PARP4: variants seen among roughly 807,000 people sequenced by gnomAD.
PARP4 encodes poly(ADP-ribose) polymerase family member 4, also known as protein mono-ADP-ribosyltransferase PARP4.
In PARP4, 120 loss-of-function variants were observed where a neutral mutation model predicts 187.7. That is an observed-to-expected ratio of 0.64 (90% CI 0.55 to 0.74). The LOEUF (loss-of-function observed/expected upper bound fraction) is 0.74. PARP4 is among the 30% of genes least tolerant of loss of function. The probability of loss-of-function intolerance (pLI) is 0.00; values close to 1 mark genes in which losing one functional copy is unlikely to be tolerated. For missense variants in PARP4, 1,836 were observed against 2,070.5 expected, an observed-to-expected ratio of 0.89 and a Z score of 2.20; for synonymous variants, 654 against 740.9, an observed-to-expected ratio of 0.88 and a Z score of 1.90.
intron 2 of PARP4, among the ~76,000 whole-genome samples, chr13:24,502,230 A>G (rs944034545): frequency 6.6e-6 from 1 of 151,920 alleles, no homozygotes; most frequent in African/African-American, 2.4e-5. Context: ...TTTTTTGTAG[A>G]GATAGGGTCT....
At chr13:24,478,327 A>T (rs1235474867) in intron 12 of PARP4, 51 bp from the exon 13 acceptor site, 1 of 1,198,730 alleles carries the variant, frequency 8.3e-7, no homozygotes, top group African/African-American at 1.5e-5. Flanking sequence ...GTGACTTGTC[A>T]ATAACATACT....
At chr13:24,460,501 C>T (rs750769) in intron 17 of PARP4, among the ~76,000 whole-genome samples, 43,524 of 122,860 alleles carry the variant, frequency 0.35, 7,253 homozygotes, top group South Asian at 0.45. Context: ...CATGGGTGGG[C>T]TCTGCTGCAT....
chr13:24,442,776 T>C (rs1871012496), intron 28 of PARP4, 91 bp from the exon 29 acceptor site: 1 of 690,726 alleles, frequency 1.4e-6, no homozygotes, highest in Non-Finnish European at 2.6e-6. Flanking sequence ...TCAGACTAAA[T>C]ATTGAATTGC....
chr13:24,453,784 CTT>C, intron 22 of PARP4, 130 bp from the exon 23 acceptor site: 1 of 610,014 alleles, frequency 1.6e-6, no homozygotes. Context: ...GTGTACCTTT[CTT>C]TTTAGAAAAC....
At chr13:24,425,605 C>CTATATATA (rs113002264) in intron 33 of PARP4, among the ~76,000 whole-genome samples, 4,184 of 146,806 alleles carry the variant, frequency 0.029, 128 homozygotes, top group Admixed American at 0.077. Context: ...ATATCTATAT[C>CTATATATA]TATATATCTC....
chr13:24,496,366 G>A (rs565558250), intron 6 of PARP4, among the ~76,000 whole-genome samples: 11 of 152,156 alleles, frequency 7.2e-5, no homozygotes, highest in Non-Finnish European at 1.6e-4. Context: ...TGATAAAGAT[G>A]GCATGTCAGC....
chr13:24,477,877 G>A lies in PARP4; in HGVS notation c.1633-20C>T, dbSNP rs762754158. 1.2e-5 allele frequency: 19 copies of A among 1,529,498 alleles called. No individual in the cohort carries two copies. The highest frequency in any genetic ancestry group is 5.0e-5 in the South Asian group (4 of 79,976). 94.7% of individuals were successfully genotyped at this position (1,529,498 alleles called of 1,614,324 possible). A position where few individuals can be genotyped will look rare whatever the true frequency, so the allele number is the denominator to read the frequency against. Reference sequence around the variant, plus strand: ...ATCATCCTAGAGCAAACAGAAATCAGTAGGTGATTAACAACAGAAGCAACA... The same window carrying A: ...ATCATCCTAGAGCAAACAGAAATCAATAGGTGATTAACAACAGAAGCAACA... On this transcript the variant is annotated intron_variant, in intron 13 of 33. Transcript: ENST00000381989.
chr13:24,457,777 A>C (rs1193286123), intron 20 of PARP4, among the ~76,000 whole-genome samples: 1 of 52,134 alleles, frequency 1.9e-5, no homozygotes, highest in Non-Finnish European at 5.2e-5. Context: ...TCTCAAAAAA[A>C]AAAAAAAAAA....
chr13:24,434,498 C>G lies in PARP4; in HGVS notation c.4643G>C (p.Ser1548Thr). 1 of 1,613,750 alleles carries G rather than the reference C, an allele frequency of 6.2e-7. No homozygotes were observed. Among genetic ancestry groups the G allele is most frequent in the Non-Finnish European group, 8.5e-7 (1 of 1,179,658 alleles). The change falls in exon 31 of 34, where the codon AGT (serine) becomes ACT (threonine). Residue 1548 changes from serine to threonine, a missense_variant. Ser to Thr is a moderately conservative substitution (Grantham distance 58). This residue lies in a region of PARP4 where 450 missense variants were observed against 439.2 expected (regional missense o/e 1.02). Coordinates refer to ENST00000381989, the MANE Select transcript of PARP4 (RefSeq NM_006437.4). ...TTTTACTTCCAGAAAGCACAGGATA[C>G]TGTCATCTTTTGTATCACATTTTAT... Reference protein sequence around the residue: ...LQIKCDTKDDSILCFLEVKEE... With the variant: ...LQIKCDTKDDTILCFLEVKEE...
intron 7 of PARP4, 137 bp from the exon 8 acceptor site, chr13:24,493,870 T>G (rs1184531292): frequency 7.8e-6 from 6 of 771,310 alleles, no homozygotes; most frequent in Admixed American, 7.6e-5. Flanking sequence ...GCCAGGTAAC[T>G]AAATCCTTTC....
rs931517001 is a variant in PARP4, at chr13:24,501,783, T to A, written c.184A>T (p.Asn62Tyr). 3 of 1,613,136 alleles carry A rather than the reference T, an allele frequency of 1.9e-6. No individual in the cohort carries two copies. The African/African-American group carries it at 4.0e-5, about 22-fold the overall frequency. ...NADVLSQYQL[N>Y]SIQKNHVHIA... The stretch of plus-strand genomic sequence containing the variant: ...TGAACGTGGTTCTTTTGGATAGAAT[T>A]CAGTTGGTACTGACTCAGAACATCA... The change falls in exon 3 of 34, where the codon AAT becomes TAT. Residue 62 changes from asparagine (N) to tyrosine (Y), a missense_variant. Transcript: ENST00000381989.
Position 24,435,099 on chromosome 13 carries a change from C to CTGG in PARP4, c.4041_4042insCCA (p.Val1347_Ala1348insPro). On this transcript the variant is annotated inframe_insertion, in exon 31 of 34. Transcript: ENST00000381989. ...GGAGGAGCAGCTGAACCGAAACTAG[C>CTGG]TACCTGACGATATGAGGCAAAAGAC... 1 of 1,614,162 alleles carries CTGG rather than the reference C, an allele frequency of 6.2e-7. No homozygotes were observed. Among genetic ancestry groups the CTGG allele is most frequent in the Non-Finnish European group, 8.5e-7 (1 of 1,180,038 alleles).
At chr13:24,502,119 G>GT (rs1368275312) in intron 2 of PARP4, among the ~76,000 whole-genome samples, 3 of 152,170 alleles carry the variant, frequency 2.0e-5, no homozygotes, top group Admixed American at 2.0e-4. Flanking sequence ...CTATCCTCAT[G>GT]TACACATCCT....
chr13:24,499,054 T>C (rs1296530194), intron 5 of PARP4, among the ~76,000 whole-genome samples: 3 of 152,132 alleles, frequency 2.0e-5, no homozygotes, highest in Non-Finnish European at 4.4e-5. Context: ...ATCCCAGCAC[T>C]TTGGGAGGCT....
chr13:24,437,082 C>G (rs1436335404), intron 30 of PARP4, among the ~76,000 whole-genome samples: 7 of 151,924 alleles, frequency 4.6e-5, no homozygotes, highest in African/African-American at 1.7e-4. Context: ...TAGGTAAGTC[C>G]AGCAATAGCT....
chr13:24,505,544 C>A (rs996371416), intron 1 of PARP4, among the ~76,000 whole-genome samples: 1 of 152,076 alleles, frequency 6.6e-6, no homozygotes, highest in Non-Finnish European at 1.5e-5. Context: ...CGCCTAAACC[C>A]CCCAGAAATG....
chr13:24,490,552 C>CTA (rs1868581145), intron 10 of PARP4, 116 bp downstream of exon 10: 2 of 828,134 alleles, frequency 2.4e-6, no homozygotes, highest in Admixed American at 4.5e-5. Flanking sequence ...ATCACACCAC[C>CTA]GCTACTGTGG....
chr13:24,455,612 T>C (rs1176648890), intron 21 of PARP4, among the ~76,000 whole-genome samples: 2 of 143,754 alleles, frequency 1.4e-5, no homozygotes, highest in African/African-American at 5.2e-5. Flanking sequence ...CATGTAAGTT[T>C]CCTTTTTTTT....
intron 30 of PARP4, among the ~76,000 whole-genome samples, chr13:24,436,426 C>A (rs903351605): frequency 2.0e-5 from 3 of 152,198 alleles, no homozygotes; most frequent in Non-Finnish European, 4.4e-5. Context: ...GCCTCAGACT[C>A]CCCAGTAGCT....
Sources: gnomAD v4.1 joint callset for allele counts (sites outside exome capture counted in the v4.1 genomes callset) on GRCh38, gnomAD v4.1.1 for gene constraint, gnomAD v4.1.1 regional missense constraint, MANE v1.5 for transcripts, NCBI Gene and HGNC (gene_info 2026-07-23, HGNC 2026-07-21) for gene names.